The following HIPK2 variants were observed in gnomAD, a reference collection of about 807,000 sequenced individuals.
The protein encoded by HIPK2 is homeodomain-interacting protein kinase 2.
In HIPK2, 27 loss-of-function variants were observed where a neutral mutation model predicts 113.7. That is an observed-to-expected ratio of 0.24 (90% CI 0.17 to 0.33). The LOEUF is 0.33. Ranked by LOEUF, HIPK2 falls within the 10% of genes least tolerant of loss-of-function variation. The pLI is 1.00. For missense variants in HIPK2, 1,257 were observed against 1,588.0 expected, an observed-to-expected ratio of 0.79 and a Z score of 3.54; for synonymous variants, 631 against 642.2, an observed-to-expected ratio of 0.98 and a Z score of 0.26.
At chr7:139,611,129 T>C (rs1394563616) in intron 9 of HIPK2, among the ~76,000 whole-genome samples, 3 of 152,226 alleles carry the variant, frequency 2.0e-5, no homozygotes, top group African/African-American at 7.2e-5. Flanking sequence ...AATCCTTGTC[T>C]GTGGTCATTG....
At chr7:139,626,394 C>T (rs1178113874) in intron 6 of HIPK2, among the ~76,000 whole-genome samples, 1 of 152,016 alleles carries the variant, frequency 6.6e-6, no homozygotes, top group Admixed American at 6.6e-5. Flanking sequence ...TGAGACACCA[C>T]GCCCAGCCCT....
At chr7:139,644,118 T>C (rs1342189519) in intron 2 of HIPK2, among the ~76,000 whole-genome samples, 2 of 152,240 alleles carry the variant, frequency 1.3e-5, no homozygotes, top group Non-Finnish European at 2.9e-5. Context: ...TGCCTATCTA[T>C]GTAATCTTTT....
rs548105087 is a variant in HIPK2, at chr7:139,626,544, G to C, written c.1619+57C>G. ...GGCCGCAAAACCTAAAATATTTAGT[G>C]TCTGGGCCTTTAAAGTTTGCCGATC... On this transcript the variant is annotated intron_variant, in intron 6 of 14. Coordinates refer to ENST00000406875, the MANE Select transcript of HIPK2 (RefSeq NM_022740.5). 90 of 1,552,272 alleles carry C rather than the reference G, an allele frequency of 5.8e-5. No homozygotes were observed. The African/African-American group carries it at 1.1e-3, about 19-fold the overall frequency.
intron 2 of HIPK2, among the ~76,000 whole-genome samples, chr7:139,678,485 C>T (rs1015212816): frequency 1.1e-4 from 17 of 152,200 alleles, no homozygotes; most frequent in Admixed American, 2.6e-4. Context: ...CAGATGGTTG[C>T]AGATGTGTGG....
At chr7:139,588,894 G>T (rs989213276) in intron 12 of HIPK2, among the ~76,000 whole-genome samples, 8 of 152,246 alleles carry the variant, frequency 5.3e-5, no homozygotes, top group African/African-American at 9.6e-5. Context: ...GGGAGCAGCT[G>T]CTGGCTCCCG....
chr7:139,708,922 A>C (rs1794986284), intron 2 of HIPK2, among the ~76,000 whole-genome samples: 1 of 152,078 alleles, frequency 6.6e-6, no homozygotes. Flanking sequence ...GTGTGTGTGC[A>C]CCTGTGTGTG....
At chr7:139,684,142 T>C (rs1794146638) in intron 2 of HIPK2, among the ~76,000 whole-genome samples, 1 of 152,182 alleles carries the variant, frequency 6.6e-6, no homozygotes, top group South Asian at 2.1e-4. Context: ...TAATGATCTT[T>C]GATGTTACTA....
intron 1 of HIPK2, among the ~76,000 whole-genome samples, chr7:139,729,134 G>C (rs1358109627): frequency 6.6e-6 from 1 of 151,988 alleles, no homozygotes; most frequent in Non-Finnish European, 1.5e-5. Flanking sequence ...GACCAACCTG[G>C]GCAACATGGT....
chr7:139,684,678 A>AT (rs1386441423), intron 2 of HIPK2, among the ~76,000 whole-genome samples: 19 of 152,180 alleles, frequency 1.2e-4, no homozygotes, highest in African/African-American at 4.3e-4. Context: ...GATTGCACCA[A>AT]TGCACTCCAG....
intron 2 of HIPK2, among the ~76,000 whole-genome samples, chr7:139,707,884 C>T (rs1199525783): frequency 6.6e-6 from 1 of 152,070 alleles, no homozygotes; most frequent in Non-Finnish European, 1.5e-5. Flanking sequence ...GTTCACCTTT[C>T]TATTCCCACC....
chr7:139,600,332 G>T, intron 11 of HIPK2, 85 bp downstream of exon 11: 2 of 1,440,218 alleles, frequency 1.4e-6, no homozygotes, highest in East Asian at 2.3e-5. Context: ...TGTTCAGAGT[G>T]GGTGCTGATA....
At chr7:139,591,656 T>C (rs1433302340) in intron 12 of HIPK2, among the ~76,000 whole-genome samples, 4 of 152,208 alleles carry the variant, frequency 2.6e-5, no homozygotes. Context: ...AATGGAGCCC[T>C]GTAAAGAGGG....
rs1023833594 is a variant in HIPK2 at position 139,714,218 on chromosome 7, G to A, written c.1103+1714C>T. On this transcript the variant is annotated intron_variant, in intron 2 of 14. Transcript: ENST00000406875. The surrounding 1 kb of genome is among the most constrained non-coding windows in gnomAD (Gnocchi z 4.2). Reference sequence around the variant, plus strand: ...AATCCTCAGGGCAGGGCAGAGAAGAGGCTCGCAGAGAGCTGTTCTAACTCA... The same window carrying A: ...AATCCTCAGGGCAGGGCAGAGAAGAAGCTCGCAGAGAGCTGTTCTAACTCA... 6.6e-6 allele frequency among the ~76,000 whole-genome samples: 1 copy of A among 152,210 alleles called. No homozygotes were observed. The highest frequency in any genetic ancestry group is 1.5e-5 in the Non-Finnish European group (1 of 68,032).
At chr7:139,776,049 C>T (rs1796736390) in intron 1 of HIPK2, among the ~76,000 whole-genome samples, 1 of 152,164 alleles carries the variant, frequency 6.6e-6, no homozygotes. Flanking sequence ...ACAGTGGGAG[C>T]ATTGACTGTA....
chr7:139,582,953 G>A (rs1399948489), intron 13 of HIPK2, among the ~76,000 whole-genome samples: 1 of 152,254 alleles, frequency 6.6e-6, no homozygotes, highest in East Asian at 1.9e-4. Flanking sequence ...CCAGTTTCCT[G>A]TAGCGACCTC....
rs372252578 is a variant in HIPK2 at position 139,631,628 on chromosome 7, A to G, written c.1201T>C (p.Tyr401His). The change falls in exon 3 of 15, where the codon TAT (tyrosine) becomes CAT (histidine). Residue 401 changes from tyrosine (Y) to histidine (H), a missense_variant. By Grantham distance (83) the Tyr-to-His change is moderately conservative. This residue lies in a region of HIPK2 where 84 missense variants were observed against 182.2 expected (regional missense o/e 0.46). Transcript: ENST00000406875. The surrounding 1 kb of genome is among the most constrained non-coding windows in gnomAD (Gnocchi z 4.9). The part of the protein sequence containing the change: ...IAELFLGWPL[Y>H]PGASEYDQIR... ...TGATCATACTCCGAAGCTCCTGGAT[A>G]TAACGGCCAACCCAGGAACAATTCT... 4 of 1,613,928 alleles carry G rather than the reference A, an allele frequency of 2.5e-6. No individual in the cohort carries two copies. Among genetic ancestry groups the G allele is most frequent in the East Asian group, 2.2e-5 (1 of 44,890 alleles).
chr7:139,660,473 G>T (rs1801830001), intron 2 of HIPK2, among the ~76,000 whole-genome samples: 1 of 152,208 alleles, frequency 6.6e-6, no homozygotes, highest in Non-Finnish European at 1.5e-5. Context: ...AAAAGTGACA[G>T]AAATAAAGTC....
Position 139,604,116 on chromosome 7 carries a change from C to T in HIPK2, c.2220G>A (p.Glu740=), listed in dbSNP as rs1170059460. ...CCAGCTGCTGGGTGCCTGCCATGGT[C>T]TCGGGAATCACGGTGGCATGCTGCA... ...TSVQHATVIP[E]TMAGTQQLAD... The change falls in exon 10 of 15, where the codon GAG becomes GAA. Residue 740 remains glutamate (E), a synonymous_variant. Transcript: ENST00000406875. 16 of 1,613,870 alleles carry T rather than the reference C, an allele frequency of 9.9e-6. No individual in the cohort carries two copies. The highest frequency in any genetic ancestry group is 1.3e-5 in the African/African-American group (1 of 74,932).
chr7:139,698,921 T>C lies in HIPK2; in HGVS notation c.1103+17011A>G, dbSNP rs905605626. On this transcript the variant is annotated intron_variant, in intron 2 of 14. Transcript: ENST00000406875. ...CATATATTATACCACAGATTTTACA[T>C]GCAGCAAGAAGTTACAGCAGAGAAG... Among the ~76,000 whole-genome samples the C allele has an allele frequency of 9.9e-5, 15 of 152,244 alleles. No homozygotes were observed. The South Asian group carries it at 3.1e-3, about 32-fold the overall frequency.
Sources: allele counts gnomAD v4.1 joint callset (sites outside exome capture counted in the v4.1 genomes callset), GRCh38; gene constraint gnomAD v4.1.1; regional missense constraint gnomAD v4.1.1; non-coding constraint Gnocchi (gnomAD v3.1); transcripts MANE v1.5; gene names NCBI Gene and HGNC (gene_info 2026-07-23, HGNC 2026-07-21).